The following ZBTB20 variants were observed in gnomAD, a reference collection of about 807,000 sequenced individuals.
The protein encoded by ZBTB20 is zinc finger and BTB domain containing 20.
ZBTB20 carries 9 observed loss-of-function variants against 56.9 expected under a neutral mutation model. That is an observed-to-expected ratio of 0.16 (90% CI 0.10 to 0.28). The LOEUF is 0.28. Among genes scored for constraint, ZBTB20 ranks in the 10% least tolerant of loss-of-function variants. The pLI is 1.00. For synonymous variants in ZBTB20, 417 were observed against 420.7 expected (o/e 0.99, Z 0.11); for missense variants, 655 against 1,003.0 (o/e 0.65, Z 4.69).
At chr3:114,748,352 T>TTCTCTCTCTCTC (rs71146332) in intron 5 of ZBTB20, among the ~76,000 whole-genome samples, 2,045 of 48,578 alleles carry the variant, frequency 0.042, 194 homozygotes, top group East Asian at 0.17. Context: ...TTTCTTTCTT[T>TTCTCTCTCTCTC]TCTCTCTCTC....
chr3:114,515,175 C>T (rs2045847235), intron 6 of ZBTB20, among the ~76,000 whole-genome samples: 1 of 152,208 alleles, frequency 6.6e-6, no homozygotes, highest in African/African-American at 2.4e-5. Context: ...TACGGGGACA[C>T]ATATGGCTCC....
At position 114,786,111 on chromosome 3, in the gene ZBTB20, T is replaced by C. The variant is rs558271223; in HGVS notation, c.-343+14990A>G. On this transcript the variant is annotated intron_variant, in intron 5 of 11. Coordinates refer to ENST00000675478, the MANE Select transcript of ZBTB20 (RefSeq NM_001348800.3). ...CATGTTTTCAATACATCACAAGCCA[T>C]AGTAGTGAGAAACACCATTTCTTTT... Among the ~76,000 whole-genome samples the C allele has an allele frequency of 3.3e-5, 5 of 152,210 alleles. No individual in the cohort carries two copies. The South Asian group carries it at 6.2e-4, about 19-fold the overall frequency.
chr3:114,453,927 C>T (rs1297548741), intron 7 of ZBTB20, among the ~76,000 whole-genome samples: 1 of 116,784 alleles, frequency 8.6e-6, no homozygotes, highest in Non-Finnish European at 1.8e-5. Flanking sequence ...TCACTCCCCC[C>T]CCCCCCACCC....
At chr3:114,954,581 G>C (rs2077184727) in intron 3 of ZBTB20, among the ~76,000 whole-genome samples, 1 of 152,168 alleles carries the variant, frequency 6.6e-6, no homozygotes, top group African/African-American at 2.4e-5. Context: ...TCCTACCTTA[G>C]ATAGCATTAT....
intron 2 of ZBTB20, among the ~76,000 whole-genome samples, chr3:115,031,222 AT>A (rs985271925): frequency 6.6e-6 from 1 of 151,374 alleles, no homozygotes; most frequent in Non-Finnish European, 1.5e-5. Context: ...CCCAGTTTTC[AT>A]GAATTAGTGG....
chr3:114,722,155 T>C (rs2064963447), intron 5 of ZBTB20, among the ~76,000 whole-genome samples: 1 of 152,010 alleles, frequency 6.6e-6, no homozygotes, highest in South Asian at 2.1e-4. Flanking sequence ...GTCAAAAGAG[T>C]ATGACCCAGA....
At chr3:114,850,021 T>A (rs2074921156) in intron 4 of ZBTB20, among the ~76,000 whole-genome samples, 1 of 149,270 alleles carries the variant, frequency 6.7e-6, no homozygotes, top group African/African-American at 2.5e-5. Flanking sequence ...TGCCTCAGCC[T>A]CCTGAGTAGC....
rs2064139743 is a variant in ZBTB20, at chr3:114,712,348, A to C, written c.-342-18773T>G. Among the ~76,000 whole-genome samples, 5 of 152,132 alleles carry C rather than the reference A, an allele frequency of 3.3e-5. No individual in the cohort carries two copies. In the South Asian group the frequency reaches 1.0e-3, roughly 32 times the overall value. On this transcript the variant is annotated intron_variant, in intron 5 of 11. Transcript: ENST00000675478. ...GTTATATAAAATTCTTTAGAAAATT[A>C]ATGTTATAAAAAAGAGTTCAGGCCG...
intron 6 of ZBTB20, among the ~76,000 whole-genome samples, chr3:114,597,451 T>C (rs2056410349): frequency 1.3e-5 from 2 of 152,208 alleles, no homozygotes; most frequent in Admixed American, 6.6e-5. Context: ...TTCCATCTGC[T>C]GAGGGCAGCT....
chr3:114,517,993 A>T (rs182467912), intron 6 of ZBTB20, among the ~76,000 whole-genome samples: 2 of 152,294 alleles, frequency 1.3e-5, no homozygotes, highest in Admixed American at 1.3e-4. Flanking sequence ...AAGGGGAAAA[A>T]TTTGAACAAC....
At chr3:114,507,859 A>G (rs2044823085) in intron 6 of ZBTB20, among the ~76,000 whole-genome samples, 1 of 152,176 alleles carries the variant, frequency 6.6e-6, no homozygotes, top group African/African-American at 2.4e-5. Flanking sequence ...CAGATAGTTG[A>G]TAAGTTATTA....
chr3:114,803,034 T>C (rs568371407), intron 4 of ZBTB20, among the ~76,000 whole-genome samples: 2 of 151,098 alleles, frequency 1.3e-5, no homozygotes, highest in African/African-American at 2.4e-5. Context: ...CAATTTTCAT[T>C]CCCCCCCCAT....
intron 5 of ZBTB20, among the ~76,000 whole-genome samples, chr3:114,788,178 G>T (rs1462566264): frequency 1.3e-5 from 2 of 151,890 alleles, no homozygotes; most frequent in East Asian, 3.9e-4. Flanking sequence ...GTTTTCAAAG[G>T]TACATTTTTT....
At chr3:114,440,805 T>G (rs1312119198) in intron 7 of ZBTB20, among the ~76,000 whole-genome samples, 1 of 152,154 alleles carries the variant, frequency 6.6e-6, no homozygotes, top group African/African-American at 2.4e-5. Context: ...CAGAACCTGC[T>G]CATCAACACT....
intron 7 of ZBTB20, among the ~76,000 whole-genome samples, chr3:114,414,486 T>C (rs1470552952): frequency 2.0e-5 from 3 of 151,924 alleles, no homozygotes; most frequent in Non-Finnish European, 4.4e-5. Flanking sequence ...TTGAAGAAAA[T>C]TTAAGTTTAG....
Position 114,351,569 on chromosome 3 carries a change from G to A in ZBTB20, c.509C>T (p.Ala170Val). The A allele has an allele frequency of 1.2e-6, 2 of 1,614,092 alleles. No individual in the cohort carries two copies. Among genetic ancestry groups the A allele is most frequent in the East Asian group, 2.2e-5 (1 of 44,854 alleles). The change falls in exon 11 of 12, where the codon GCT becomes GTT. Residue 170 changes from alanine (A) to valine (V), a missense_variant. Coordinates refer to ENST00000675478, the MANE Select transcript of ZBTB20 (RefSeq NM_001348800.3). The stretch of plus-strand genomic sequence containing the variant: ...GCTGGCGGCCGTGAGGATCTGCAGA[G>A]CTTCCGACTGCGAGACCCGTAGCAC... ...SGVLRVSQSEALQILTAASIL... is the reference protein window; with the variant it reads ...SGVLRVSQSEVLQILTAASIL...
chr3:114,716,091 C>T (rs1184377850), intron 5 of ZBTB20, among the ~76,000 whole-genome samples: 1 of 152,176 alleles, frequency 6.6e-6, no homozygotes, highest in East Asian at 1.9e-4. Flanking sequence ...TAATCTCTCT[C>T]CGTTCTCCTA....
chr3:115,004,508 C>T (rs2079386218), intron 2 of ZBTB20, among the ~76,000 whole-genome samples: 1 of 151,616 alleles, frequency 6.6e-6, no homozygotes, highest in African/African-American at 2.4e-5. Context: ...AGAACACACA[C>T]TAGGGTTTGT....
At chr3:114,816,589 T>C (rs1328678159) in intron 4 of ZBTB20, among the ~76,000 whole-genome samples, 2 of 152,168 alleles carry the variant, frequency 1.3e-5, no homozygotes, top group African/African-American at 4.8e-5. Flanking sequence ...TGCTAAAGTT[T>C]AAAATGAATG....
Sources: gnomAD v4.1 joint callset for allele counts (sites outside exome capture counted in the v4.1 genomes callset) on GRCh38, gnomAD v4.1.1 for gene constraint, MANE v1.5 for transcripts, NCBI Gene and HGNC (gene_info 2026-07-23, HGNC 2026-07-21) for gene names.